CNR2: variants seen among roughly 807,000 people sequenced by gnomAD.
CNR2 encodes cannabinoid receptor 2 (macrophage).
For synonymous variants in CNR2, 172 were observed against 182.2 expected (o/e 0.94, Z 0.45); for missense variants, 379 against 439.9 (o/e 0.86, Z 1.24).
chr1:23,880,407 C>T (rs747774291), intron 1 of CNR2, among the ~76,000 whole-genome samples: 6 of 151,950 alleles, frequency 3.9e-5, no homozygotes, highest in Non-Finnish European at 7.4e-5. Context: ...TTGATCTGAC[C>T]TCGTGATCTG....
chr1:23,890,739 C>T (rs1372134180), intron 1 of CNR2, among the ~76,000 whole-genome samples: 1 of 66,720 alleles, frequency 1.5e-5, no homozygotes, highest in Non-Finnish European at 3.1e-5. Context: ...GAGTGAGACT[C>T]TGTCTCAAAA....
chr1:23,877,892 C>A (rs1212259055), intron 1 of CNR2, among the ~76,000 whole-genome samples: 4 of 149,474 alleles, frequency 2.7e-5, no homozygotes, highest in African/African-American at 9.9e-5. Flanking sequence ...ACCCCGGATG[C>A]AAAGATTGCA....
At chr1:23,906,770 TAGTCTC>T (rs1296076039) in intron 1 of CNR2, among the ~76,000 whole-genome samples, 1 of 151,940 alleles carries the variant, frequency 6.6e-6, no homozygotes, top group African/African-American at 2.4e-5. Context: ...CATGTGCCTG[TAGTCTC>T]AGCTACTTGA....
intron 1 of CNR2, among the ~76,000 whole-genome samples, chr1:23,903,130 T>C (rs1408846668): frequency 6.6e-6 from 1 of 151,756 alleles, no homozygotes; most frequent in African/African-American, 2.4e-5. Context: ...CCCGTGCCCC[T>C]ACCACCCCCG....
chr1:23,902,818 G>C (rs1640424510), intron 1 of CNR2: 9 of 1,336,926 alleles, frequency 6.7e-6, no homozygotes, highest in Non-Finnish European at 9.5e-7. Context: ...CGCGGTGCAG[G>C]CTGCGCTGCC....
chr1:23,876,770 G>A (rs1301597300), intron 1 of CNR2, among the ~76,000 whole-genome samples: 1 of 151,552 alleles, frequency 6.6e-6, no homozygotes, highest in Non-Finnish European at 1.5e-5. Context: ...AGGAGGCAGA[G>A]GTTGCAGTGA....
rs1454280416 is a variant in CNR2, at chr1:23,875,566, C to A, written c.52G>T (p.Asp18Tyr). The change falls in exon 2 of 2, where the codon GAT (aspartate) becomes TAT (tyrosine). Residue 18 changes from aspartate to tyrosine, a missense_variant. By Grantham distance (160) the Asp-to-Tyr change is radical. Coordinates refer to ENST00000374472, the MANE Select transcript of CNR2 (RefSeq NM_001841.3). ...ATGTAATCCTTCATAGGGTTGGAAT[C>A]CAAGCCATCCTTGGAGCCATTGGCT... ...EIANGSKDGLDSNPMKDYMIL... is the reference protein window; with the variant it reads ...EIANGSKDGLYSNPMKDYMIL... 1 of 1,612,890 alleles carries A rather than the reference C, an allele frequency of 6.2e-7. No individual in the cohort carries two copies. The highest frequency in any genetic ancestry group is 8.5e-7 in the Non-Finnish European group (1 of 1,179,308).
At chr1:23,901,670 TG>T (rs1293817253) in intron 1 of CNR2, 26 of 1,485,778 alleles carry the variant, frequency 1.7e-5, no homozygotes, top group Admixed American at 5.0e-5. Flanking sequence ...CTGGACCGGG[TG>T]TTCAAACCAG....
At chr1:23,898,227 C>T (rs1271619277) in intron 1 of CNR2, among the ~76,000 whole-genome samples, 1 of 151,702 alleles carries the variant, frequency 6.6e-6, no homozygotes, top group East Asian at 1.9e-4. Flanking sequence ...TTAGTAGACA[C>T]AGGGTTTCAC....
At chr1:23,902,551 T>C (rs1640417736) in intron 1 of CNR2, 1 of 1,608,356 alleles carries the variant, frequency 6.2e-7, no homozygotes, top group African/African-American at 1.3e-5. Context: ...ACGTCTGGAA[T>C]GTGAATTTCA....
chr1:23,905,901 C>G (rs1640479308), intron 1 of CNR2, among the ~76,000 whole-genome samples: 2 of 152,170 alleles, frequency 1.3e-5, no homozygotes, highest in Admixed American at 1.3e-4. Context: ...GATTTGGGAT[C>G]TAGCGGGATC....
intron 1 of CNR2, chr1:23,902,873 ACCGCGG>A: frequency 8.6e-7 from 1 of 1,164,916 alleles, no homozygotes; most frequent in Non-Finnish European, 1.1e-6. Flanking sequence ...GTGGGCTAGG[ACCGCGG>A]CCGCGGCGCT....
chr1:23,902,958 A>C (rs1031978530), intron 1 of CNR2, among the ~76,000 whole-genome samples: 1 of 151,056 alleles, frequency 6.6e-6, no homozygotes, highest in Non-Finnish European at 1.5e-5. Flanking sequence ...GAGCCTGTGG[A>C]CCCCCGCCCC....
At chr1:23,893,543 C>CA (rs1640226799) in intron 1 of CNR2, among the ~76,000 whole-genome samples, 1 of 152,158 alleles carries the variant, frequency 6.6e-6, no homozygotes, top group Non-Finnish European at 1.5e-5. Flanking sequence ...ATTGAACTAT[C>CA]AAGAGTGTTG....
rs74065403 is a variant in CNR2, at chr1:23,883,073, A to G, written c.-45-7411T>C. Among the ~76,000 whole-genome samples the G allele has an allele frequency of 2.0e-3, 308 of 152,318 alleles. 1 individual carries two copies. The highest frequency in any genetic ancestry group is 6.9e-3 in the African/African-American group (285 of 41,572). On this transcript the variant is annotated intron_variant, in intron 1 of 1. Coordinates refer to ENST00000374472, the MANE Select transcript of CNR2 (RefSeq NM_001841.3). ...GCAAGATTACTAAAGGAAAAAGGAG[A>G]GCAACCACAATGAAGAAAAATACAG...
At chr1:23,887,819 TA>T (rs55811335) in intron 1 of CNR2, among the ~76,000 whole-genome samples, 128,224 of 151,366 alleles carry the variant, frequency 0.85, 54,377 homozygotes, top group Admixed American at 0.86. Flanking sequence ...TAACCAAGGC[TA>T]AAAAAAAAAT....
chr1:23,904,831 T>C (rs1278343959), intron 1 of CNR2, among the ~76,000 whole-genome samples: 1 of 152,196 alleles, frequency 6.6e-6, no homozygotes, highest in Non-Finnish European at 1.5e-5. Flanking sequence ...TGGTGGCTTC[T>C]CTCTAAAGCA....
chr1:23,901,324 G>A (rs1451093489), intron 1 of CNR2: 4 of 672,366 alleles, frequency 5.9e-6, no homozygotes, highest in South Asian at 2.4e-5. Context: ...TGTGGAAAAG[G>A]TGCCTACTTC....
In CNR2 at chr1:23,890,274, AG is replaced by A. The variant is rs67592629; in HGVS notation, c.-45-14613del. On this transcript the variant is annotated intron_variant, in intron 1 of 1. Transcript: ENST00000374472. The stretch of plus-strand genomic sequence containing the variant: ...ACCTTGTCTCAAAAAAAAAAAAAAA[AG>A]AAAAGAAAAGAAAAGAAGAAGAAGA... Among the ~76,000 whole-genome samples, 665 of 135,460 alleles carry A rather than the reference AG, an allele frequency of 4.9e-3. 25 individuals carry two copies. Among genetic ancestry groups the A allele is most frequent in the African/African-American group, 0.014 (505 of 36,784 alleles). The allele number at this position is 135,460 out of a possible 152,430, so 88.9% of individuals were successfully genotyped here.
Sources: allele counts gnomAD v4.1 joint callset (sites outside exome capture counted in the v4.1 genomes callset), GRCh38; gene constraint gnomAD v4.1.1; transcripts MANE v1.5; gene names NCBI Gene and HGNC (gene_info 2026-07-23, HGNC 2026-07-21).